Variants in BBX observed in about 807,000 individuals in gnomAD.
BBX encodes the protein HMG box transcription factor BBX.
In BBX, 30 loss-of-function variants were observed where a neutral mutation model predicts 100.2. That is an observed-to-expected ratio of 0.30 (90% confidence interval 0.22 to 0.41). The LOEUF is 0.41. Among genes scored for constraint, BBX ranks in the 10% least tolerant of loss-of-function variants. BBX has a pLI of 1.00. For missense variants in BBX, 1,023 were observed against 1,129.8 expected, an observed-to-expected ratio of 0.91 and a Z score of 1.35; for synonymous variants, 376 against 388.1, an observed-to-expected ratio of 0.97 and a Z score of 0.37.
chr3:107,642,404 G>T (rs777360313), intron 2 of BBX, among the ~76,000 whole-genome samples: 1 of 152,218 alleles, frequency 6.6e-6, no homozygotes, highest in Non-Finnish European at 1.5e-5. Context: ...AGTAGGAAAA[G>T]TCTCTTAAGA....
At chr3:107,575,209 A>G (rs1395592484) in intron 2 of BBX, among the ~76,000 whole-genome samples, 1 of 152,230 alleles carries the variant, frequency 6.6e-6, no homozygotes, top group Non-Finnish European at 1.5e-5. Flanking sequence ...TAAAAATAGT[A>G]AAATCCTCCA....
At position 107,773,123 on chromosome 3, in the gene BBX, A is replaced by T. The variant is rs776736090; in HGVS notation, c.1402A>T (p.Thr468Ser). The T allele has an allele frequency of 6.2e-7, 1 of 1,614,072 alleles. No individual in the cohort carries two copies. Among genetic ancestry groups the T allele is most frequent in the Non-Finnish European group, 8.5e-7 (1 of 1,179,992 alleles). ...KMDRHGNDKS[T>S]PKKTCKKRQS... ...GGATCGACATGGAAATGATAAATCC[A>T]CACCCAAGAAGACTTGCAAAAAGAG... Residue 468 changes from threonine (T) to serine (S), a missense_variant, in exon 11 of 18, where the codon ACA (threonine) becomes TCA (serine). Around this residue, in one of 9 missense-constraint regions of BBX, gnomAD observed 348 missense variants for 353.2 expected, o/e 0.99. Transcript: ENST00000325805. The surrounding 1 kb of genome is among the most constrained non-coding windows in gnomAD (Gnocchi z 4.1).
intron 1 of BBX, among the ~76,000 whole-genome samples, chr3:107,525,691 G>C (rs2047713878): frequency 6.6e-6 from 1 of 152,076 alleles, no homozygotes; most frequent in African/African-American, 2.4e-5. Context: ...TTGTTTCCTA[G>C]CTCCCCCCAC....
chr3:107,621,122 G>A (rs192080427), intron 2 of BBX, among the ~76,000 whole-genome samples: 4 of 152,232 alleles, frequency 2.6e-5, no homozygotes, highest in Middle Eastern at 3.4e-3. Context: ...TGATTGGCTT[G>A]TATAGAGCAG....
intron 2 of BBX, chr3:107,641,999 A>G (rs1377867976): frequency 1.3e-5 from 2 of 152,328 alleles, no homozygotes; most frequent in East Asian, 3.9e-4. Context: ...ATTTCAGCAG[A>G]TGATTTAACT....
chr3:107,706,224 A>G (rs1344498879), intron 3 of BBX, among the ~76,000 whole-genome samples: 1 of 152,038 alleles, frequency 6.6e-6, no homozygotes, highest in Non-Finnish European at 1.5e-5. Flanking sequence ...GGGTTTCACC[A>G]TGTTGGCCAG....
chr3:107,676,482 T>G (rs1053220800), intron 3 of BBX, among the ~76,000 whole-genome samples: 1 of 152,178 alleles, frequency 6.6e-6, no homozygotes, highest in Non-Finnish European at 1.5e-5. Context: ...CAGACATAGC[T>G]TATTTAGAAC....
At chr3:107,797,797 GGAGT>G (rs1553699537) in intron 15 of BBX, among the ~76,000 whole-genome samples, 1 of 152,136 alleles carries the variant, frequency 6.6e-6, no homozygotes, top group Non-Finnish European at 1.5e-5. Flanking sequence ...TCAGAATATA[GGAGT>G]GTGCTATCAA....
intron 2 of BBX, among the ~76,000 whole-genome samples, chr3:107,542,536 A>G (rs80254915): frequency 0.011 from 1,738 of 152,360 alleles, 26 homozygotes; most frequent in African/African-American, 0.039. Context: ...GTGGAATATG[A>G]AAACAAAAGT....
chr3:107,535,666 C>T (rs2107330284), intron 2 of BBX, among the ~76,000 whole-genome samples: 1 of 150,610 alleles, frequency 6.6e-6, no homozygotes, highest in Admixed American at 6.6e-5. Flanking sequence ...AATCTCTGCT[C>T]ACTGCAACCT....
chr3:107,730,066 G>A (rs1435343174), intron 6 of BBX, among the ~76,000 whole-genome samples: 2 of 152,064 alleles, frequency 1.3e-5, no homozygotes, highest in Non-Finnish European at 2.9e-5. Context: ...CATCCTGGGC[G>A]ACAGAGCAAC....
At chr3:107,687,880 C>A (rs2059938711) in intron 3 of BBX, among the ~76,000 whole-genome samples, 1 of 152,030 alleles carries the variant, frequency 6.6e-6, no homozygotes, top group Non-Finnish European at 1.5e-5. Context: ...CATGGCGAAA[C>A]CCCATCTCTA....
intron 2 of BBX, among the ~76,000 whole-genome samples, chr3:107,537,616 G>A (rs1265279315): frequency 6.6e-6 from 1 of 152,306 alleles, no homozygotes; most frequent in East Asian, 1.9e-4. Flanking sequence ...GTTTTCTCTT[G>A]TGGTTTAGTA....
At chr3:107,645,499 G>A (rs756730259) in intron 2 of BBX, among the ~76,000 whole-genome samples, 1 of 152,052 alleles carries the variant, frequency 6.6e-6, no homozygotes, top group African/African-American at 2.4e-5. Context: ...TTAACCCCAT[G>A]TTTTTCCAGG....
intron 14 of BBX, among the ~76,000 whole-genome samples, chr3:107,790,255 T>A (rs1288226826): frequency 6.6e-6 from 1 of 152,158 alleles, no homozygotes; most frequent in Non-Finnish European, 1.5e-5. Flanking sequence ...TTTTCCTACT[T>A]CATGAAATCT....
chr3:107,706,312 C>T (rs1203851093), intron 3 of BBX, among the ~76,000 whole-genome samples: 1 of 152,120 alleles, frequency 6.6e-6, no homozygotes, highest in African/African-American at 2.4e-5. Context: ...CGTGAGCCAC[C>T]ACGCCCGGTT....
intron 3 of BBX, among the ~76,000 whole-genome samples, chr3:107,677,973 A>G (rs1438234202): frequency 5.9e-5 from 9 of 152,156 alleles, no homozygotes; most frequent in Non-Finnish European, 1.3e-4. Flanking sequence ...AAAGAAGAAA[A>G]CCTCATCCAT....
At chr3:107,761,111 C>T (rs554712848) in intron 10 of BBX, among the ~76,000 whole-genome samples, 3 of 152,156 alleles carry the variant, frequency 2.0e-5, no homozygotes, top group Admixed American at 6.5e-5. Flanking sequence ...TATACCTGAC[C>T]GCCATACATA....
intron 4 of BBX, among the ~76,000 whole-genome samples, 159 bp downstream of exon 4, chr3:107,710,781 G>C (rs1312802597): frequency 2.0e-5 from 3 of 152,104 alleles, no homozygotes; most frequent in Admixed American, 1.3e-4. Context: ...TCCAATTCTT[G>C]ATTGCTCTTA....
Sources: allele counts gnomAD v4.1 joint callset (sites outside exome capture counted in the v4.1 genomes callset), GRCh38; gene constraint gnomAD v4.1.1; regional missense constraint gnomAD v4.1.1; non-coding constraint Gnocchi (gnomAD v3.1); transcripts MANE v1.5; gene names NCBI Gene and HGNC (gene_info 2026-07-23, HGNC 2026-07-21).